Variants in FSTL5 observed in about 807,000 individuals in gnomAD.
FSTL5 encodes follistatin-related protein 5.
In FSTL5, 62 loss-of-function variants were observed where a neutral mutation model predicts 89.1. That is an observed-to-expected ratio of 0.70 (90% CI 0.57 to 0.86). FSTL5 has a LOEUF of 0.86. Among genes scored for constraint, FSTL5 ranks in the 40% least tolerant of loss-of-function variants. FSTL5 has a pLI of 0.00. For synonymous variants in FSTL5, 383 were observed against 346.2 expected (o/e 1.11, Z -1.18); for missense variants, 1,057 against 1,001.6 (o/e 1.06, Z -0.75).
intron 3 of FSTL5, among the ~76,000 whole-genome samples, chr4:161,963,976 A>C (rs1735253299): frequency 6.6e-6 from 1 of 152,086 alleles, no homozygotes; most frequent in Admixed American, 6.6e-5. Context: ...TACAGAATTG[A>C]ATTACTGGAA....
intron 7 of FSTL5, among the ~76,000 whole-genome samples, chr4:161,645,879 G>A (rs887351640): frequency 1.3e-5 from 2 of 151,882 alleles, no homozygotes; most frequent in Admixed American, 1.3e-4. Flanking sequence ...GGTGAATGAT[G>A]TATTCTATTA....
Position 161,542,694 on chromosome 4 carries a change from C to T in FSTL5, c.1016-1G>A. On this transcript the variant is annotated splice_acceptor_variant, in intron 8 of 15. Transcript: ENST00000306100. LOFTEE classifies it high-confidence loss of function. The stretch of plus-strand genomic sequence containing the variant: ...GGATACACCCGGATGACTGGAGGAA[C>T]TAAAGGAAAAAATGAAAGAGAAAGT... 1 of 1,434,848 alleles carries T rather than the reference C, an allele frequency of 7.0e-7. No homozygotes were observed. The highest frequency in any genetic ancestry group is 9.2e-7 in the Non-Finnish European group (1 of 1,088,848). 88.9% of individuals were successfully genotyped at this position (1,434,848 alleles called of 1,614,324 possible).
intron 1 of FSTL5, among the ~76,000 whole-genome samples, chr4:162,133,795 A>G (rs2111463799): frequency 6.6e-6 from 1 of 152,378 alleles, no homozygotes; most frequent in South Asian, 2.1e-4. Context: ...AAGCAGCTTT[A>G]TAATGATAAA....
chr4:162,140,028 A>C (rs1732665271), intron 1 of FSTL5, among the ~76,000 whole-genome samples: 17 of 152,158 alleles, frequency 1.1e-4, no homozygotes, highest in Admixed American at 1.1e-3. Flanking sequence ...GATATCTAAA[A>C]ATATGTTCAC....
At chr4:162,004,021 C>A (rs1044698513) in intron 3 of FSTL5, among the ~76,000 whole-genome samples, 1 of 152,116 alleles carries the variant, frequency 6.6e-6, no homozygotes, top group African/African-American at 2.4e-5. Flanking sequence ...TTGTTTTCAT[C>A]ATTTTCTACC....
chr4:162,052,703 G>A (rs1016622694), intron 2 of FSTL5, among the ~76,000 whole-genome samples: 23 of 151,730 alleles, frequency 1.5e-4, no homozygotes, highest in Admixed American at 6.6e-4. Flanking sequence ...AGTGCTGAGT[G>A]AAAAATTAAG....
chr4:162,132,563 C>T (rs570993417), intron 1 of FSTL5, among the ~76,000 whole-genome samples: 1 of 152,224 alleles, frequency 6.6e-6, no homozygotes, highest in South Asian at 2.1e-4. Context: ...GTCAGTGACA[C>T]CAAGAACCCA....
chr4:161,444,221 C>T (rs1269008533), intron 15 of FSTL5, among the ~76,000 whole-genome samples: 2 of 151,770 alleles, frequency 1.3e-5, no homozygotes, highest in Non-Finnish European at 2.9e-5. Context: ...CAGCTTAGGG[C>T]TGTGTCTGTG....
At chr4:162,159,085 G>A (rs1034849493) in intron 1 of FSTL5, among the ~76,000 whole-genome samples, 1 of 152,056 alleles carries the variant, frequency 6.6e-6, no homozygotes. Flanking sequence ...GTAGGCATTT[G>A]TGTTTTCATG....
At chr4:162,107,931 C>A (rs1281806956) in intron 2 of FSTL5, among the ~76,000 whole-genome samples, 1 of 151,994 alleles carries the variant, frequency 6.6e-6, no homozygotes, top group African/African-American at 2.4e-5. Flanking sequence ...TTCCCTACAT[C>A]CCAGGATTAT....
intron 3 of FSTL5, among the ~76,000 whole-genome samples, chr4:162,031,105 T>C (rs1737503413): frequency 6.6e-6 from 1 of 152,174 alleles, no homozygotes; most frequent in African/African-American, 2.4e-5. Flanking sequence ...CATTTTTCTA[T>C]TATAATCTTC....
chr4:161,409,014 C>T (rs1021032680), intron 15 of FSTL5, among the ~76,000 whole-genome samples: 2 of 152,074 alleles, frequency 1.3e-5, no homozygotes, highest in Non-Finnish European at 2.9e-5. Flanking sequence ...GAAAAATTCC[C>T]TAATCTCACT....
Position 161,385,623 on chromosome 4 carries a change from G to T in FSTL5, c.*124C>A. The T allele has an allele frequency of 1.5e-6, 1 of 674,898 alleles. No individual in the cohort carries two copies. The highest frequency in any genetic ancestry group is 2.5e-6 in the Non-Finnish European group (1 of 401,024). The allele number at this position is 674,898 out of a possible 1,614,324, so 41.8% of individuals were successfully genotyped here. ...AGTCAAAAACAATTTATTTTATTTG[G>T]ACCAACCAAGTAAATTTTGTTTGAC... On this transcript the variant is annotated 3_prime_UTR_variant, in exon 16 of 16. Transcript: ENST00000306100.
chr4:161,782,605 TA>T (rs1040200369), intron 4 of FSTL5, among the ~76,000 whole-genome samples: 3 of 152,192 alleles, frequency 2.0e-5, no homozygotes, highest in African/African-American at 7.2e-5. Context: ...AATAGTTAAA[TA>T]AAAAGTGAGT....
At chr4:161,763,171 T>C (rs572711482) in intron 5 of FSTL5, among the ~76,000 whole-genome samples, 1 of 152,330 alleles carries the variant, frequency 6.6e-6, no homozygotes, top group Non-Finnish European at 1.5e-5. Flanking sequence ...CTGCCTACTA[T>C]GTGTCAGGCA....
chr4:161,422,681 G>A (rs1002010611), intron 15 of FSTL5, among the ~76,000 whole-genome samples: 2 of 152,120 alleles, frequency 1.3e-5, no homozygotes, highest in Admixed American at 1.3e-4. Flanking sequence ...AAAACAGCAA[G>A]TGCTTTAAGC....
At chr4:161,952,863 A>G (rs1166472667) in intron 3 of FSTL5, among the ~76,000 whole-genome samples, 1 of 151,822 alleles carries the variant, frequency 6.6e-6, no homozygotes, top group African/African-American at 2.4e-5. Flanking sequence ...CATAACTTTA[A>G]GAAATATCAT....
chr4:161,412,954 T>C (rs1045329746), intron 15 of FSTL5, among the ~76,000 whole-genome samples: 1 of 152,092 alleles, frequency 6.6e-6, no homozygotes, highest in Non-Finnish European at 1.5e-5. Context: ...AGGCCTCAAA[T>C]TATTAAAATC....
chr4:161,897,069 G>A (rs1733181674), intron 4 of FSTL5, among the ~76,000 whole-genome samples: 1 of 151,454 alleles, frequency 6.6e-6, no homozygotes, highest in Non-Finnish European at 1.5e-5. Flanking sequence ...CTCCCAAGTA[G>A]TTGAGGTTAT....
Sources: allele counts gnomAD v4.1 joint callset (sites outside exome capture counted in the v4.1 genomes callset), GRCh38; gene constraint gnomAD v4.1.1; transcripts MANE v1.5; gene names NCBI Gene and HGNC (gene_info 2026-07-23, HGNC 2026-07-21).